The following EHHADH variants were observed in gnomAD, a reference collection of about 807,000 sequenced individuals.
EHHADH encodes the protein peroxisomal bifunctional enzyme.
In EHHADH, 48 loss-of-function variants were observed where a neutral mutation model predicts 64.4. That is an observed-to-expected ratio of 0.75 (90% CI 0.59 to 0.95). The LOEUF (loss-of-function observed/expected upper bound fraction) is 0.95. EHHADH is among the 40% of genes least tolerant of loss of function. EHHADH has a pLI of 0.00. For synonymous variants in EHHADH, 308 were observed against 326.7 expected, an observed-to-expected ratio of 0.94 and a Z score of 0.62; for missense variants, 854 against 876.6, an observed-to-expected ratio of 0.97 and a Z score of 0.33.
chr3:185,211,047 T>C (rs1411039352), intron 5 of EHHADH, among the ~76,000 whole-genome samples: 1 of 152,184 alleles, frequency 6.6e-6, no homozygotes, highest in African/African-American at 2.4e-5. Flanking sequence ...GGCACAATCA[T>C]AGATGGTTTT....
chr3:185,228,418 C>T (rs1000084548), intron 4 of EHHADH, among the ~76,000 whole-genome samples: 1 of 151,528 alleles, frequency 6.6e-6, no homozygotes, highest in Non-Finnish European at 1.5e-5. Flanking sequence ...TGGCTCACAC[C>T]TGTAATCCCA....
intron 6 of EHHADH, among the ~76,000 whole-genome samples, chr3:185,202,926 G>A (rs980486696): frequency 1.3e-5 from 2 of 148,188 alleles, no homozygotes; most frequent in Non-Finnish European, 3.0e-5. Flanking sequence ...TCATATGTGG[G>A]AGCTTAAAAT....
At chr3:185,245,882 TC>T in intron 2 of EHHADH, 1 of 1,102,770 alleles carries the variant, frequency 9.1e-7, no homozygotes, top group South Asian at 1.3e-5. Context: ...TGGATTCTTT[TC>T]CCTCATGATG....
At chr3:185,229,281 C>T (rs571438811) in intron 4 of EHHADH, 151 bp downstream of exon 4, 15 of 408,564 alleles carry the variant, frequency 3.7e-5, no homozygotes, top group Non-Finnish European at 6.0e-5. Context: ...AGGTAGTTCT[C>T]CATATTACAG....
At position 185,248,424 on chromosome 3, in the gene EHHADH, T is replaced by C; in HGVS notation, c.168A>G (p.Lys56=). 6.2e-7 allele frequency: 1 copy of C among 1,613,322 alleles called. No individual in the cohort carries two copies. Residue 56 remains lysine, a synonymous_variant, in exon 2 of 7, where the codon AAA becomes AAG. Transcript: ENST00000231887. ...KAIVICGAEG[K]FSAGADIRGF... is the part of the protein sequence containing the mutation. ...TTAGACTTGAGTTACCTGCAGAAAA[T>C]TTGCCCTCTGCTCCACAAATCACAA...
chr3:185,219,312 G>A (rs1444368316), intron 4 of EHHADH, among the ~76,000 whole-genome samples: 10 of 152,180 alleles, frequency 6.6e-5, no homozygotes, highest in Non-Finnish European at 1.5e-4. Flanking sequence ...TGTGGCAGCT[G>A]GAGTGTGGCC....
At chr3:185,240,504 T>C (rs1406545045) in intron 2 of EHHADH, among the ~76,000 whole-genome samples, 1 of 152,072 alleles carries the variant, frequency 6.6e-6, no homozygotes, top group Non-Finnish European at 1.5e-5. Context: ...TGGGAGGTTG[T>C]ATGTTTACAG....
intron 4 of EHHADH, among the ~76,000 whole-genome samples, chr3:185,220,309 A>G (rs1256217979): frequency 6.6e-6 from 1 of 152,212 alleles, no homozygotes; most frequent in Non-Finnish European, 1.5e-5. Context: ...TCAACAACAC[A>G]TATATGATGG....
chr3:185,235,742 A>G (rs989196446), intron 2 of EHHADH, among the ~76,000 whole-genome samples: 1 of 152,152 alleles, frequency 6.6e-6, no homozygotes, highest in Non-Finnish European at 1.5e-5. Context: ...TTTCCATATA[A>G]TAAGTAGTAA....
intron 6 of EHHADH, among the ~76,000 whole-genome samples, chr3:185,202,236 G>A (rs963286384): frequency 6.6e-6 from 1 of 151,914 alleles, no homozygotes; most frequent in Non-Finnish European, 1.5e-5. Context: ...CTACTTGGGA[G>A]GCTGAAGCAC....
chr3:185,243,557 T>A (rs1009812396), intron 2 of EHHADH, among the ~76,000 whole-genome samples: 15 of 152,168 alleles, frequency 9.9e-5, no homozygotes, highest in African/African-American at 3.4e-4. Context: ...TTCTATATTT[T>A]AAAAAAATTT....
intron 5 of EHHADH, among the ~76,000 whole-genome samples, chr3:185,208,525 G>C (rs1718457418): frequency 1.3e-5 from 2 of 152,286 alleles, no homozygotes; most frequent in African/African-American, 4.8e-5. Flanking sequence ...CATCACTACT[G>C]AATGTTGGTG....
intron 2 of EHHADH, among the ~76,000 whole-genome samples, chr3:185,241,459 A>G (rs1719449207): frequency 2.0e-5 from 3 of 152,174 alleles, no homozygotes; most frequent in African/African-American, 4.8e-5. Context: ...CCACATCAAC[A>G]TCTACTGTTT....
intron 4 of EHHADH, among the ~76,000 whole-genome samples, chr3:185,224,521 A>G (rs1048587384): frequency 8.6e-5 from 13 of 151,488 alleles, no homozygotes; most frequent in East Asian, 1.9e-4. Flanking sequence ...AAAAAAAAAA[A>G]AAAGAAAGAA....
chr3:185,208,502 T>C lies in EHHADH; in HGVS notation c.569-3745A>G, dbSNP rs146783908. ...ATGCAGTTAGACTTACTAGAATGAC[T>C]ATAATAAAAAGCCATCACTACTGAA... On this transcript the variant is annotated intron_variant, in intron 5 of 6. Coordinates refer to ENST00000231887, the MANE Select transcript of EHHADH (RefSeq NM_001966.4). Among the ~76,000 whole-genome samples the C allele has an allele frequency of 3.2e-3, 494 of 152,330 alleles. 5 individuals carry two copies. Among genetic ancestry groups the C allele is most frequent in the African/African-American group, 0.011 (459 of 41,562 alleles).
chr3:185,244,915 A>T (rs908198408), intron 2 of EHHADH, among the ~76,000 whole-genome samples: 1 of 152,230 alleles, frequency 6.6e-6, no homozygotes, highest in African/African-American at 2.4e-5. Context: ...CTAAGAAACT[A>T]ATAGAGAAAG....
In EHHADH at chr3:185,193,040, G is replaced by C. The variant is rs758468682; in HGVS notation, c.1358C>G (p.Pro453Arg). 6.2e-7 allele frequency: 1 copy of C among 1,614,192 alleles called. No homozygotes were observed. The highest frequency in any genetic ancestry group is 1.7e-5 in the Admixed American group (1 of 60,014). Residue 453 changes from proline to arginine, a missense_variant, in exon 7 of 7, where the codon CCC becomes CGC. Physicochemically the swap from Pro to Arg is moderately radical, Grantham distance 103 (BLOSUM62 -2). Coordinates refer to ENST00000231887, the MANE Select transcript of EHHADH (RefSeq NM_001966.4). ...GTTCATAACAGTGGCAATGGTAGTG[G>C]GGGAAGAGTATTGGCTGGGAATAAC... is the stretch of plus-strand genomic sequence containing the variant. ...LEVIPSQYSS[P>R]TTIATVMNLS...
intron 2 of EHHADH, chr3:185,245,887 C>T (rs947317852): frequency 2.3e-5 from 26 of 1,129,266 alleles, no homozygotes; most frequent in Non-Finnish European, 4.0e-6. Flanking sequence ...TCTTTTCCCT[C>T]ATGATGTTGA....
At chr3:185,224,501 C>CAA (rs757023353) in intron 4 of EHHADH, among the ~76,000 whole-genome samples, 58 of 51,496 alleles carry the variant, frequency 1.1e-3, no homozygotes, top group Middle Eastern at 0.012. Context: ...ACCCTGTCAC[C>CAA]AAAAAAAAAA....
Sources: allele counts gnomAD v4.1 joint callset (sites outside exome capture counted in the v4.1 genomes callset), GRCh38; gene constraint gnomAD v4.1.1; transcripts MANE v1.5; gene names NCBI Gene and HGNC (gene_info 2026-07-23, HGNC 2026-07-21).